SNRNP40: variants seen among roughly 807,000 people sequenced by gnomAD.
The protein encoded by SNRNP40 is small nuclear ribonucleoprotein U5 subunit 40.
SNRNP40 carries 21 observed loss-of-function variants against 45.8 expected under a neutral mutation model. The observed-to-expected ratio is 0.46, with a 90% CI of 0.32 to 0.66. The LOEUF (loss-of-function observed/expected upper bound fraction) is 0.66. SNRNP40 is among the 30% of genes least tolerant of loss of function. The pLI, the probability that SNRNP40 is intolerant of heterozygous loss-of-function variation, is 0.03. For missense variants in SNRNP40, 344 were observed against 439.1 expected (o/e 0.78, Z 1.94); for synonymous variants, 142 against 163.8 (o/e 0.87, Z 1.01).
intron 8 of SNRNP40, among the ~76,000 whole-genome samples, chr1:31,264,859 A>G (rs1241817979): frequency 6.6e-6 from 1 of 152,184 alleles, no homozygotes; most frequent in East Asian, 1.9e-4. Flanking sequence ...TACATTTCCC[A>G]GGCACATAAA....
chr1:31,274,168 G>T (rs563308868), intron 5 of SNRNP40, among the ~76,000 whole-genome samples: 149 of 152,158 alleles, frequency 9.8e-4, no homozygotes, highest in South Asian at 2.5e-3. Context: ...TCACTGGGGG[G>T]TCAAAGAAGG....
At chr1:31,291,866 C>CAAG (rs71028753) in intron 3 of SNRNP40, 47 bp downstream of exon 3, 744,248 of 1,290,932 alleles carry the variant, frequency 0.58, 221,561 homozygotes, top group Non-Finnish European at 0.62. Flanking sequence ...GAAAGGACGC[C>CAAG]AAGAATTAGT....
In SNRNP40 at chr1:31,289,325, C is replaced by T; in HGVS notation, c.460G>A (p.Val154Met). 6.2e-7 allele frequency: 1 copy of T among 1,613,852 alleles called. No individual in the cohort carries two copies. Among genetic ancestry groups the T allele is most frequent in the South Asian group, 1.1e-5 (1 of 91,078 alleles). Residue 154 changes from valine to methionine, a missense_variant, in exon 4 of 10, where the codon GTG becomes ATG. By Grantham distance (21) the Val-to-Met change is conservative. Around this residue, in one of 2 missense-constraint regions of SNRNP40, gnomAD observed 254 missense variants for 380.2 expected, o/e 0.67. Coordinates refer to ENST00000263694, the MANE Select transcript of SNRNP40 (RefSeq NM_004814.3). The part of the protein sequence containing the change: ...VKRLKGHTSF[V>M]NSCYPARRGP... ...CTCCTGGCTGGATAACAGGAATTCA[C>T]AAAGGAAGTATGTCCCTTTAGCCTT...
At chr1:31,283,557 C>G (rs1446539166) in intron 4 of SNRNP40, among the ~76,000 whole-genome samples, 1 of 152,122 alleles carries the variant, frequency 6.6e-6, no homozygotes, top group Admixed American at 6.5e-5. Context: ...GAGCCAAGAT[C>G]GCACTACTGC....
At chr1:31,284,356 G>C (rs1413636244) in intron 4 of SNRNP40, among the ~76,000 whole-genome samples, 1 of 152,186 alleles carries the variant, frequency 6.6e-6, no homozygotes, top group Non-Finnish European at 1.5e-5. Flanking sequence ...CACCATGTTG[G>C]CCAGGCTGGT....
At chr1:31,285,154 T>C (rs1033606506) in intron 4 of SNRNP40, among the ~76,000 whole-genome samples, 8 of 152,116 alleles carry the variant, frequency 5.3e-5, no homozygotes, top group East Asian at 1.9e-4. Flanking sequence ...GAAGCAATCA[T>C]AAATTTATAG....
chr1:31,259,915 C>T lies in SNRNP40; in HGVS notation c.*157G>A, dbSNP rs546074469. The T allele has an allele frequency of 8.6e-5, 61 of 709,208 alleles. No homozygotes were observed. Among genetic ancestry groups the T allele is most frequent in the Non-Finnish European group, 1.4e-4 (55 of 388,798 alleles). The allele number at this position is 709,208 out of a possible 1,614,324, so 43.9% of individuals were successfully genotyped here. ...CCTTAGTCATCCTGGTGAAATGGGA[C>T]AGAAGTGGTTTTTGGAATATGGCCA... On this transcript the variant is annotated 3_prime_UTR_variant, in exon 10 of 10. Coordinates refer to ENST00000263694, the MANE Select transcript of SNRNP40 (RefSeq NM_004814.3).
intron 1 of SNRNP40, among the ~76,000 whole-genome samples, chr1:31,294,572 G>A (rs1646128555): frequency 6.6e-6 from 1 of 151,824 alleles, no homozygotes; most frequent in South Asian, 2.1e-4. Flanking sequence ...CGATTCTCCT[G>A]CATCAGCCTC....
chr1:31,271,450 G>A lies in SNRNP40; in HGVS notation c.704C>T (p.Ala235Val). Residue 235 changes from alanine to valine, a missense_variant, in exon 6 of 10, where the codon GCA becomes GTA. Physicochemically the swap from Ala to Val is moderately conservative, Grantham distance 64. This residue lies in a region of SNRNP40 where 254 missense variants were observed against 380.2 expected (regional missense o/e 0.67). Coordinates refer to ENST00000263694, the MANE Select transcript of SNRNP40 (RefSeq NM_004814.3). ...NKLTYTMRGH[A>V]DSVTGLSLSS... is the part of the protein sequence containing the mutation. ...TAAACTCAGGCCAGTCACTGAATCT[G>A]CATGGCCTCTCATGGTGTAGGTTAG... 2 of 1,613,890 alleles carry A rather than the reference G, an allele frequency of 1.2e-6. No homozygotes were observed. Among genetic ancestry groups the A allele is most frequent in the East Asian group, 2.2e-5 (1 of 44,882 alleles).
chr1:31,261,385 C>CCAA (rs999720606), intron 9 of SNRNP40, 144 bp downstream of exon 9: 32 of 623,634 alleles, frequency 5.1e-5, no homozygotes, highest in East Asian at 8.4e-5. Flanking sequence ...AACAAAAAAA[C>CCAA]CAACAACAAC....
In SNRNP40 at chr1:31,264,387, G is replaced by C. The variant is rs529890273; in HGVS notation, c.921-2755C>G. On this transcript the variant is annotated intron_variant, in intron 8 of 9. Coordinates refer to ENST00000263694, the MANE Select transcript of SNRNP40 (RefSeq NM_004814.3). The stretch of plus-strand genomic sequence containing the variant: ...AGCTGGTCCTCATTAATTCAATAAA[G>C]GGCAGTATGGCATAGTGAAAGAGTA... Among the ~76,000 whole-genome samples the C allele has an allele frequency of 2.0e-5, 3 of 152,228 alleles. No homozygotes were observed. In the South Asian group the frequency reaches 6.2e-4, roughly 32 times the overall value.
At chr1:31,293,376 T>G (rs1272131903) in intron 1 of SNRNP40, 28 bp from the exon 2 acceptor site, 2 of 1,577,038 alleles carry the variant, frequency 1.3e-6, no homozygotes, top group Non-Finnish European at 1.7e-6. Context: ...ACAAGGTAAC[T>G]ACTGCATACA....
At chr1:31,282,605 A>ATCTATCTG (rs1553166909) in intron 4 of SNRNP40, 2 of 143,992 alleles carry the variant, frequency 1.4e-5, no homozygotes, top group East Asian at 4.0e-4. Context: ...CTATCTATCT[A>ATCTATCTG]TCTATCTATC....
At chr1:31,266,227 G>A (rs753951215) in intron 8 of SNRNP40, among the ~76,000 whole-genome samples, 13 of 152,148 alleles carry the variant, frequency 8.5e-5, no homozygotes, top group Non-Finnish European at 1.3e-4. Context: ...GTGTGGCAGC[G>A]TTAGGGCCCC....
chr1:31,282,649 T>C (rs570515057), intron 4 of SNRNP40, among the ~76,000 whole-genome samples: 1 of 151,940 alleles, frequency 6.6e-6, no homozygotes, highest in South Asian at 2.1e-4. Flanking sequence ...TCTATGTATC[T>C]ATGTGTCTAT....
intron 8 of SNRNP40, among the ~76,000 whole-genome samples, chr1:31,265,121 T>A (rs1382080832): frequency 8.8e-6 from 1 of 114,116 alleles, no homozygotes; most frequent in African/African-American, 3.0e-5. Context: ...CGCTTTCACA[T>A]GTGATTTTGT....
At position 31,293,367 on chromosome 1, in the gene SNRNP40, C is replaced by G. The variant is rs1326776152; in HGVS notation, c.142-19G>C. On this transcript the variant is annotated intron_variant, in intron 1 of 9. Transcript: ENST00000263694. The stretch of plus-strand genomic sequence containing the variant: ...GAGGTCCCTAAACAAAAGAGAAGCA[C>G]AAGGTAACTACTGCATACAGACAAA... The G allele has an allele frequency of 6.3e-7, 1 of 1,596,482 alleles. No individual in the cohort carries two copies. Among genetic ancestry groups the G allele is most frequent in the South Asian group, 1.1e-5 (1 of 88,096 alleles).
intron 8 of SNRNP40, among the ~76,000 whole-genome samples, chr1:31,266,672 T>G (rs1232206521): frequency 2.6e-5 from 4 of 152,230 alleles, no homozygotes; most frequent in Non-Finnish European, 5.9e-5. Context: ...AGTTCACATT[T>G]TGTTACACCC....
intron 4 of SNRNP40, among the ~76,000 whole-genome samples, chr1:31,285,655 C>G (rs906299562): frequency 1.4e-4 from 22 of 152,282 alleles, no homozygotes; most frequent in African/African-American, 5.1e-4. Context: ...TCAAATCCCA[C>G]TCAAGTTTTA....
Sources: gnomAD v4.1 joint callset for allele counts (sites outside exome capture counted in the v4.1 genomes callset) on GRCh38, gnomAD v4.1.1 for gene constraint, gnomAD v4.1.1 regional missense constraint, MANE v1.5 for transcripts, NCBI Gene and HGNC (gene_info 2026-07-23, HGNC 2026-07-21) for gene names.